The following EFCAB6 variants were observed in gnomAD, a reference collection of about 807,000 sequenced individuals.
EFCAB6 encodes EF-hand calcium binding domain 6.
EFCAB6 carries 156 observed loss-of-function variants against 169.8 expected under a neutral mutation model. That is an observed-to-expected ratio of 0.92 (90% confidence interval 0.81 to 1.05). The LOEUF is 1.05. EFCAB6 is among the 50% of genes least tolerant of loss of function. The pLI is 0.00. For missense variants in EFCAB6, 1,800 were observed against 1,829.1 expected, an observed-to-expected ratio of 0.98 and a Z score of 0.29; for synonymous variants, 698 against 676.4, an observed-to-expected ratio of 1.03 and a Z score of -0.50.
In EFCAB6 at chr22:43,580,633, G is replaced by C; in HGVS notation, c.3059C>G (p.Ala1020Gly). The change falls in exon 25 of 32, where the codon GCT (alanine) becomes GGT (glycine). Residue 1020 changes from alanine (A) to glycine (G), a missense_variant. Transcript: ENST00000262726. Reference protein sequence around the residue: ...NSWGVSRHDNAINYLDFLRAV... With the variant: ...NSWGVSRHDNGINYLDFLRAV... ...TCTCAGGAAGTCGAGGTAATTGATA[G>C]CATTATCATGCCGGCTGACTCCCCA... 1.9e-6 allele frequency: 3 copies of C among 1,614,056 alleles called. No individual in the cohort carries two copies. Among genetic ancestry groups the C allele is most frequent in the Non-Finnish European group, 2.5e-6 (3 of 1,180,020 alleles).
At chr22:43,680,769 AAT>A (rs1491246251) in intron 12 of EFCAB6, among the ~76,000 whole-genome samples, 1 of 152,212 alleles carries the variant, frequency 6.6e-6, no homozygotes, top group Non-Finnish European at 1.5e-5. Flanking sequence ...AGTTTATAGA[AAT>A]ATAACTGATT....
At chr22:43,542,920 C>T (rs1198017429) in intron 27 of EFCAB6, among the ~76,000 whole-genome samples, 4 of 152,196 alleles carry the variant, frequency 2.6e-5, no homozygotes, top group Non-Finnish European at 5.9e-5. Flanking sequence ...TCCACATCAG[C>T]GTGGTGAGGT....
At chr22:43,661,750 A>G (rs2057011830) in intron 17 of EFCAB6, among the ~76,000 whole-genome samples, 2 of 152,238 alleles carry the variant, frequency 1.3e-5, no homozygotes, top group Admixed American at 1.3e-4. Context: ...CACATGAATC[A>G]GAAGCTCTGC....
In EFCAB6 at chr22:43,776,365, A is replaced by C. The variant is rs1603358444; in HGVS notation, c.140-3262T>G. Among the ~76,000 whole-genome samples, 3 of 152,226 alleles carry C rather than the reference A, an allele frequency of 2.0e-5. No homozygotes were observed. In the East Asian group the frequency reaches 5.8e-4, roughly 29 times the overall value. ...CAGCCCTGACGGTACTGCAGTGAATAAGACAGGTACAGCTTACAATCTGGA... is the reference window on the plus strand; with the variant it reads ...CAGCCCTGACGGTACTGCAGTGAATCAGACAGGTACAGCTTACAATCTGGA... On this transcript the variant is annotated intron_variant, in intron 3 of 31. Coordinates refer to ENST00000262726, the MANE Select transcript of EFCAB6 (RefSeq NM_022785.4).
rs990021260 is a variant in EFCAB6 at position 43,707,209 on chromosome 22, G to A, written c.1031+4266C>T. Reference sequence around the variant, plus strand: ...TTTGGCACAGCAGTGAACCAAAATCGATCCTAGAAAAATAGCCAAAATGCA... The same window carrying A: ...TTTGGCACAGCAGTGAACCAAAATCAATCCTAGAAAAATAGCCAAAATGCA... On this transcript the variant is annotated intron_variant, in intron 10 of 31. Coordinates refer to ENST00000262726, the MANE Select transcript of EFCAB6 (RefSeq NM_022785.4). 8.5e-5 allele frequency among the ~76,000 whole-genome samples: 13 copies of A among 152,058 alleles called. No individual in the cohort carries two copies. In the East Asian group the frequency reaches 2.1e-3, roughly 25 times the overall value.
intron 27 of EFCAB6, among the ~76,000 whole-genome samples, chr22:43,545,799 A>G (rs1414182401): frequency 1.3e-5 from 2 of 152,220 alleles, no homozygotes; most frequent in Non-Finnish European, 2.9e-5. Flanking sequence ...GAACCGAAGC[A>G]GCGTCGGGCT....
chr22:43,778,615 G>A (rs1232711472), intron 3 of EFCAB6, among the ~76,000 whole-genome samples: 2 of 152,150 alleles, frequency 1.3e-5, no homozygotes, highest in Non-Finnish European at 1.5e-5. Flanking sequence ...AGATCTCCCC[G>A]CCATATGCAA....
intron 17 of EFCAB6, among the ~76,000 whole-genome samples, chr22:43,646,564 T>C (rs1018546127): frequency 3.9e-5 from 6 of 152,154 alleles, no homozygotes; most frequent in African/African-American, 9.7e-5. Context: ...CCTAGCATAA[T>C]GAGAATGTCA....
rs2049927087 is a variant in EFCAB6, at chr22:43,572,148, T to C, written c.3420+4149A>G. Among the ~76,000 whole-genome samples, 1 of 152,190 alleles carries C rather than the reference T, an allele frequency of 6.6e-6. No individual in the cohort carries two copies. Among genetic ancestry groups the C allele is most frequent in the South Asian group, 2.1e-4 (1 of 4,828 alleles). On this transcript the variant is annotated intron_variant, in intron 26 of 31. Transcript: ENST00000262726. This position sits in a 1 kb window ranked among gnomAD's most constrained non-coding sequence, Gnocchi z 4.0. ...GTGGTTAGTCCCTGTCTCAAGCACATTTCTCCTCTTCACTCTTGCTGCAAT... is the reference window on the plus strand; with the variant it reads ...GTGGTTAGTCCCTGTCTCAAGCACACTTCTCCTCTTCACTCTTGCTGCAAT...
intron 10 of EFCAB6, among the ~76,000 whole-genome samples, chr22:43,698,270 A>G (rs1184791394): frequency 6.6e-6 from 1 of 152,188 alleles, no homozygotes; most frequent in Non-Finnish European, 1.5e-5. Flanking sequence ...TGGACTTTGC[A>G]GACAGCTGGT....
intron 26 of EFCAB6, among the ~76,000 whole-genome samples, chr22:43,565,162 G>A (rs1313334537): frequency 6.6e-6 from 1 of 152,216 alleles, no homozygotes; most frequent in Non-Finnish European, 1.5e-5. Context: ...TGCGTAATTG[G>A]GCAAGCCCTC....
chr22:43,609,554 A>G (rs1156892358), intron 21 of EFCAB6, among the ~76,000 whole-genome samples: 1 of 152,226 alleles, frequency 6.6e-6, no homozygotes, highest in Non-Finnish European at 1.5e-5. Flanking sequence ...AACATTTACA[A>G]AAGGAATCAA....
intron 17 of EFCAB6, among the ~76,000 whole-genome samples, chr22:43,644,573 CA>C (rs1239389120): frequency 6.6e-6 from 1 of 152,210 alleles, no homozygotes; most frequent in African/African-American, 2.4e-5. Context: ...ATCCTTCCTC[CA>C]ACCTTACTTA....
At chr22:43,540,968 T>C (rs367795071) in intron 27 of EFCAB6, among the ~76,000 whole-genome samples, 77 of 128,194 alleles carry the variant, frequency 6.0e-4, no homozygotes, top group African/African-American at 2.1e-3. Flanking sequence ...ACCATGAAGA[T>C]AGAAAAAAAA....
chr22:43,740,277 T>C (rs986338905), intron 6 of EFCAB6, among the ~76,000 whole-genome samples: 1 of 152,210 alleles, frequency 6.6e-6, no homozygotes, highest in Non-Finnish European at 1.5e-5. Flanking sequence ...TTTGTCTTTA[T>C]GGTCCGTCTC....
rs1463224178 is a variant in EFCAB6, at chr22:43,700,353, A to T, written c.1031+11122T>A. Among the ~76,000 whole-genome samples, 4 of 152,218 alleles carry T rather than the reference A, an allele frequency of 2.6e-5. No homozygotes were observed. In the East Asian group the frequency reaches 7.7e-4, roughly 29 times the overall value. ...ATCCATTATTAAATTGGATGGTAAG[A>T]ATAGGCACTCTCAAATCATTTTGTT... On this transcript the variant is annotated intron_variant, in intron 10 of 31. Coordinates refer to ENST00000262726, the MANE Select transcript of EFCAB6 (RefSeq NM_022785.4).
At chr22:43,790,250 C>A (rs2062235070) in intron 2 of EFCAB6, among the ~76,000 whole-genome samples, 1 of 152,204 alleles carries the variant, frequency 6.6e-6, no homozygotes, top group Non-Finnish European at 1.5e-5. Flanking sequence ...CAATCCCACA[C>A]ACATCCTTCT....
At chr22:43,766,374 TTGTG>T (rs1450999348) in intron 4 of EFCAB6, among the ~76,000 whole-genome samples, 1 of 152,148 alleles carries the variant, frequency 6.6e-6, no homozygotes, top group African/African-American at 2.4e-5. Context: ...TGTACATTGT[TTGTG>T]TATGTTGTGT....
intron 10 of EFCAB6, among the ~76,000 whole-genome samples, chr22:43,692,468 T>C (rs1433437957): frequency 2.0e-5 from 3 of 152,184 alleles, no homozygotes; most frequent in African/African-American, 7.2e-5. Context: ...TGATTACAAC[T>C]ATCTTCAGTA....
Sources: gnomAD v4.1 joint callset for allele counts (sites outside exome capture counted in the v4.1 genomes callset) on GRCh38, gnomAD v4.1.1 for gene constraint, Gnocchi (gnomAD v3.1) non-coding constraint, MANE v1.5 for transcripts, NCBI Gene and HGNC (gene_info 2026-07-23, HGNC 2026-07-21) for gene names.